Variants in ZNF385D observed in about 807,000 individuals in gnomAD.
The protein encoded by ZNF385D is zinc finger protein 659.
ZNF385D carries 15 observed loss-of-function variants against 35.8 expected under a neutral mutation model. The observed-to-expected ratio is 0.42, with a 90% CI of 0.28 to 0.64. The LOEUF (loss-of-function observed/expected upper bound fraction) is 0.64, where lower values mean the gene tolerates loss of function less well. Ranked by LOEUF, ZNF385D falls within the 30% of genes least tolerant of loss-of-function variation. The pLI is 0.23. For missense variants in ZNF385D, 474 were observed against 494.6 expected (o/e 0.96, Z 0.39); for synonymous variants, 212 against 186.8 (o/e 1.13, Z -1.10).
At chr3:21,819,400 C>A (rs146037670) in intron 3 of ZNF385D, among the ~76,000 whole-genome samples, 44 of 151,270 alleles carry the variant, frequency 2.9e-4, no homozygotes, top group African/African-American at 9.4e-4. Context: ...AGAAAAAAAT[C>A]TGAAAGTAAA....
At chr3:22,046,114 A>G (rs577143061) in intron 3 of ZNF385D, among the ~76,000 whole-genome samples, 19 of 152,304 alleles carry the variant, frequency 1.2e-4, no homozygotes, top group African/African-American at 4.6e-4. Flanking sequence ...TTCAACCAAA[A>G]TGACAGTGCT....
At chr3:22,169,135 G>A in intron 2 of ZNF385D, 2 of 448,700 alleles carry the variant, frequency 4.5e-6, no homozygotes, top group Non-Finnish European at 5.9e-6. Context: ...CTACACACAA[G>A]AATTAAAAAT....
chr3:21,632,062 G>A (rs2065297176), intron 2 of ZNF385D, among the ~76,000 whole-genome samples: 1 of 151,910 alleles, frequency 6.6e-6, no homozygotes, highest in South Asian at 2.1e-4. Context: ...TTCCAAATGT[G>A]CGTCAGGCAC....
At chr3:22,214,025 T>C (rs1015082882) in intron 2 of ZNF385D, among the ~76,000 whole-genome samples, 24 of 152,084 alleles carry the variant, frequency 1.6e-4, no homozygotes, top group Non-Finnish European at 4.4e-5. Context: ...TGGGTCACAG[T>C]AACCCTGTCT....
At chr3:22,042,506 G>A (rs7632544) in intron 3 of ZNF385D, among the ~76,000 whole-genome samples, 2,393 of 152,156 alleles carry the variant, frequency 0.016, 67 homozygotes, top group African/African-American at 0.055. Context: ...TTCTGCAGTA[G>A]AACAGACTAT....
intron 3 of ZNF385D, among the ~76,000 whole-genome samples, chr3:21,953,649 A>T (rs984233019): frequency 6.6e-5 from 10 of 152,074 alleles, no homozygotes; most frequent in African/African-American, 2.4e-4. Flanking sequence ...TTTTCTAAAC[A>T]TTCAAGGAAT....
At chr3:22,232,571 A>T (rs1317255626) in intron 2 of ZNF385D, among the ~76,000 whole-genome samples, 1 of 152,022 alleles carries the variant, frequency 6.6e-6, no homozygotes, top group Non-Finnish European at 1.5e-5. Flanking sequence ...CTGGTGTGTG[A>T]TGTTCCCCTC....
intron 1 of ZNF385D, among the ~76,000 whole-genome samples, chr3:21,687,907 T>G (rs2067158963): frequency 6.6e-6 from 1 of 152,160 alleles, no homozygotes; most frequent in Non-Finnish European, 1.5e-5. Context: ...AATCTGTTTT[T>G]TTTTTAGACA....
intron 3 of ZNF385D, among the ~76,000 whole-genome samples, chr3:22,045,112 G>A: frequency 6.6e-6 from 1 of 151,514 alleles, no homozygotes; most frequent in African/African-American, 2.4e-5. Context: ...ATTGCTTTTG[G>A]AAAAAAAGCC....
At chr3:22,011,907 A>G (rs191481517) in intron 3 of ZNF385D, among the ~76,000 whole-genome samples, 123 of 152,206 alleles carry the variant, frequency 8.1e-4, no homozygotes, top group African/African-American at 2.9e-3. Context: ...AACAAATAAA[A>G]CATTTCAATA....
At chr3:21,820,020 T>C (rs2073334898) in intron 3 of ZNF385D, among the ~76,000 whole-genome samples, 1 of 151,038 alleles carries the variant, frequency 6.6e-6, no homozygotes. Context: ...CAAAGCATTT[T>C]AGTAATAGAT....
intron 3 of ZNF385D, among the ~76,000 whole-genome samples, chr3:22,078,651 T>G (rs141224216): frequency 5.3e-5 from 8 of 152,030 alleles, no homozygotes; most frequent in Non-Finnish European, 1.2e-4. Context: ...AAATCTCTAA[T>G]AGTGACAGGT....
intron 2 of ZNF385D, among the ~76,000 whole-genome samples, chr3:21,595,898 T>C (rs1299788798): frequency 6.6e-6 from 1 of 152,208 alleles, no homozygotes; most frequent in African/African-American, 2.4e-5. Flanking sequence ...AACTATATCA[T>C]ATGTCAGGCT....
intron 4 of ZNF385D, among the ~76,000 whole-genome samples, chr3:21,453,901 T>C (rs1702619044): frequency 6.6e-6 from 1 of 152,158 alleles, no homozygotes; most frequent in South Asian, 2.1e-4. Flanking sequence ...CATAAACTTA[T>C]ACATGTATAC....
At chr3:21,730,304 A>G (rs2068936868) in intron 1 of ZNF385D, among the ~76,000 whole-genome samples, 1 of 152,228 alleles carries the variant, frequency 6.6e-6, no homozygotes, top group South Asian at 2.1e-4. Context: ...AATCTGAAAC[A>G]GTTCCCCAAA....
intron 3 of ZNF385D, among the ~76,000 whole-genome samples, chr3:21,942,179 AAAT>A (rs1449535383): frequency 5.9e-5 from 9 of 152,202 alleles, no homozygotes; most frequent in African/African-American, 2.2e-4. Context: ...AAAATTTCTG[AAAT>A]ATTACATTTT....
intron 4 of ZNF385D, among the ~76,000 whole-genome samples, chr3:21,477,587 T>A (rs577477220): frequency 1.3e-5 from 2 of 152,290 alleles, no homozygotes; most frequent in South Asian, 2.1e-4. Context: ...GTCTCCCTGA[T>A]GTCAAGCTCT....
chr3:21,936,469 C>G (rs746322883), intron 3 of ZNF385D, among the ~76,000 whole-genome samples: 9 of 151,828 alleles, frequency 5.9e-5, no homozygotes, highest in Non-Finnish European at 1.2e-4. Context: ...CTTACTGTTA[C>G]TAGCCCTACT....
At chr3:22,063,666 A>C (rs376952348) in intron 3 of ZNF385D, among the ~76,000 whole-genome samples, 1 of 152,200 alleles carries the variant, frequency 6.6e-6, no homozygotes, top group Non-Finnish European at 1.5e-5. Flanking sequence ...GCTGCTAGGC[A>C]TGCTGCGTGC....
Sources: gnomAD v4.1 joint callset for allele counts (sites outside exome capture counted in the v4.1 genomes callset) on GRCh38, gnomAD v4.1.1 for gene constraint, MANE v1.5 for transcripts, NCBI Gene and HGNC (gene_info 2026-07-23, HGNC 2026-07-21) for gene names.